The following TRAPPC8 variants were observed in gnomAD, a reference collection of about 807,000 sequenced individuals.
The protein encoded by TRAPPC8 is general sporulation gene 1 homolog.
In TRAPPC8, 54 loss-of-function variants were observed where a neutral mutation model predicts 174.3. The ratio of observed to expected loss-of-function variants is 0.31; its 90% CI spans 0.25 to 0.39. The LOEUF is 0.39. Ranked by LOEUF, TRAPPC8 falls within the 10% of genes least tolerant of loss-of-function variation. The pLI is 1.00. For missense variants in TRAPPC8, 1,531 were observed against 1,699.1 expected (o/e 0.90, Z 1.74); for synonymous variants, 630 against 579.9 (o/e 1.09, Z -1.24).
chr18:31,860,582 T>C (rs1435098984), intron 19 of TRAPPC8, among the ~76,000 whole-genome samples: 1 of 152,236 alleles, frequency 6.6e-6, no homozygotes, highest in Non-Finnish European at 1.5e-5. Flanking sequence ...ACTTCTACTA[T>C]TCCCTTAAAC....
chr18:31,908,458 T>G, intron 7 of TRAPPC8, 40 bp from the exon 8 acceptor site: 1 of 1,353,918 alleles, frequency 7.4e-7, no homozygotes. Context: ...AACAAAGAAT[T>G]TAGTATTTTT....
chr18:31,829,995 A>G lies in TRAPPC8; in HGVS notation c.*760T>C, dbSNP rs2032261577. 1 of 152,666 alleles carries G rather than the reference A, an allele frequency of 6.6e-6. No individual in the cohort carries two copies. The highest frequency in any genetic ancestry group is 6.5e-5 in the Admixed American group (1 of 15,282). The allele number at this position is 152,666 out of a possible 1,614,324, so 9.5% of individuals were successfully genotyped here. ...ACAGTATATTTGTTATAAATATAAT[A>G]CATTTTTGAAAAGCTTATTTTTAAT... is the stretch of plus-strand genomic sequence containing the variant. On this transcript the variant is annotated 3_prime_UTR_variant, in exon 29 of 29. Transcript: ENST00000283351.
intron 9 of TRAPPC8, among the ~76,000 whole-genome samples, chr18:31,902,605 A>AACACAGTTTTGTG (rs2036480129): frequency 6.6e-6 from 1 of 152,170 alleles, no homozygotes; most frequent in Admixed American, 6.5e-5. Flanking sequence ...TGGTTGTGGT[A>AACACAGTTTTGTG]TCATCTGTTA....
chr18:31,909,060 A>T (rs1291669057), intron 6 of TRAPPC8, 50 bp from the exon 7 acceptor site: 1 of 1,537,260 alleles, frequency 6.5e-7, no homozygotes. Context: ...AACAGAAAAC[A>T]GTGCTAATAC....
At position 31,870,879 on chromosome 18, in the gene TRAPPC8, G is replaced by T. The variant is rs781476362; in HGVS notation, c.2257+47C>A. ...AACAATAAATTATCTTCATCATGCT[G>T]TAAGTAAAACAAATAAAAAACAGAA... On this transcript the variant is annotated intron_variant, in intron 15 of 28. Transcript: ENST00000283351. The T allele has an allele frequency of 3.6e-6, 5 of 1,398,940 alleles. No individual in the cohort carries two copies. In the Admixed American group the frequency reaches 7.1e-5, roughly 20 times the overall value. The allele number at this position is 1,398,940 out of a possible 1,614,324, so 86.7% of individuals were successfully genotyped here. A position where few individuals can be genotyped will look rare whatever the true frequency, so the allele number is the denominator to read the frequency against.
At chr18:31,940,962 T>C (rs1348951585) in intron 1 of TRAPPC8, among the ~76,000 whole-genome samples, 2 of 112,004 alleles carry the variant, frequency 1.8e-5, no homozygotes, top group East Asian at 2.1e-4. Context: ...CGCAAAACTG[T>C]GAACAAATTA....
intron 2 of TRAPPC8, among the ~76,000 whole-genome samples, chr18:31,928,336 T>TACACACACAC (rs34570497): frequency 6.0e-4 from 86 of 142,956 alleles, no homozygotes; most frequent in East Asian, 1.7e-3. Context: ...ACCTTATCTC[T>TACACACACAC]ACACACACAC....
At chr18:31,831,416 G>GTTTA (rs1301818608) in intron 28 of TRAPPC8, among the ~76,000 whole-genome samples, 1 of 152,074 alleles carries the variant, frequency 6.6e-6, no homozygotes, top group Non-Finnish European at 1.5e-5. Context: ...GAAGCCAACT[G>GTTTA]TTTATTAATA....
At position 31,830,944 on chromosome 18, in the gene TRAPPC8, T is replaced by G. The variant is rs566609587; in HGVS notation, c.4119A>C (p.Gln1373His). 3 of 1,614,176 alleles carry G rather than the reference T, an allele frequency of 1.9e-6. No individual in the cohort carries two copies. The highest frequency in any genetic ancestry group is 1.3e-5 in the African/African-American group (1 of 75,068). Reference protein sequence around the residue: ...EIHGSFTWLGQTQYKLQLKSQ... With the variant: ...EIHGSFTWLGHTQYKLQLKSQ... ...TTTTAAGTTGAAGTTTATACTGTGT[T>G]TGTCCAAGCCATGTGAATGATCCAT... is the stretch of plus-strand genomic sequence containing the variant. The change falls in exon 29 of 29, where the codon CAA becomes CAC. Residue 1373 changes from glutamine (Q) to histidine (H), a missense_variant. Transcript: ENST00000283351.
At chr18:31,852,420 A>ATGATT in intron 24 of TRAPPC8, 26 bp downstream of exon 24, 1 of 1,612,588 alleles carries the variant, frequency 6.2e-7, no homozygotes, top group Non-Finnish European at 8.5e-7. Context: ...ACTTAACATC[A>ATGATT]AACACTACTA....
chr18:31,857,910 CATTG>C lies in TRAPPC8; in HGVS notation c.2814_2817del (p.Asn939SerfsTer9). On this transcript the variant is annotated frameshift_variant, in exon 20 of 29. Coordinates refer to ENST00000283351, the MANE Select transcript of TRAPPC8 (RefSeq NM_014939.5). LOFTEE classifies it high-confidence loss of function. ...AATCCAGTAAGTGGACATTTGCTGACATTGACAAATTCTACATATGCTTTTCGGA... is the reference window on the plus strand; with the variant it reads ...AATCCAGTAAGTGGACATTTGCTGACACAAATTCTACATATGCTTTTCGGA... The C allele has an allele frequency of 6.2e-7, 1 of 1,614,140 alleles. No homozygotes were observed. The highest frequency in any genetic ancestry group is 8.5e-7 in the Non-Finnish European group (1 of 1,180,004).
chr18:31,873,509 A>G lies in TRAPPC8; in HGVS notation c.1983T>C (p.Pro661=). 1 of 1,613,758 alleles carries G rather than the reference A, an allele frequency of 6.2e-7. No individual in the cohort carries two copies. The change falls in exon 14 of 29, where the codon CCT becomes CCC. Residue 661 remains proline, a synonymous_variant. Transcript: ENST00000283351. The part of the protein sequence containing the change: ...KNVSQLSPDG[P]LPQLPLPYIN... ...TATACGGTAAAGGAAGCTGTGGCAA[A>G]GGACCATCTGGTGACAGCTGACTTA...
intron 1 of TRAPPC8, among the ~76,000 whole-genome samples, chr18:31,941,298 C>A (rs2038330622): frequency 6.6e-6 from 1 of 152,116 alleles, no homozygotes; most frequent in Non-Finnish European, 1.5e-5. Context: ...CAAAAATTAT[C>A]CGAGTATGGT....
rs534661357 is a variant in TRAPPC8 at position 31,838,166 on chromosome 18, A to G, written c.3983+1146T>C. ...TACTTTTTAAAATATTTTTTCTCTT[A>G]AAGTCACTGTCAAGGTCTTAATTTT... On this transcript the variant is annotated intron_variant, in intron 27 of 28. Transcript: ENST00000283351. Among the ~76,000 whole-genome samples, 4 of 152,202 alleles carry G rather than the reference A, an allele frequency of 2.6e-5. No individual in the cohort carries two copies. In the South Asian group the frequency reaches 8.3e-4, roughly 32 times the overall value.
chr18:31,917,843 G>A (rs892648207), intron 2 of TRAPPC8, among the ~76,000 whole-genome samples, 176 bp from the exon 3 acceptor site: 8 of 152,154 alleles, frequency 5.3e-5, no homozygotes, highest in African/African-American at 1.7e-4. Context: ...TGTGTATAGG[G>A]CCTGGCACGG....
Position 31,849,525 on chromosome 18 carries a change from T to C in TRAPPC8, c.3735+41A>G, listed in dbSNP as rs201566779. 52 of 1,517,376 alleles carry C rather than the reference T, an allele frequency of 3.4e-5. No homozygotes were observed. The East Asian group carries it at 1.2e-3, about 35-fold the overall frequency. 94.0% of individuals were successfully genotyped at this position (1,517,376 alleles called of 1,614,324 possible). A position where few individuals can be genotyped will look rare whatever the true frequency, so the allele number is the denominator to read the frequency against. On this transcript the variant is annotated intron_variant, in intron 25 of 28. Coordinates refer to ENST00000283351, the MANE Select transcript of TRAPPC8 (RefSeq NM_014939.5). ...TTGTGCTTAGCTTAAGACTCGAGTA[T>C]CTATAAGTGAGGCTTGCTGAAATAA...
At chr18:31,876,489 CAAA>C (rs71175801) in intron 12 of TRAPPC8, among the ~76,000 whole-genome samples, 496 of 48,694 alleles carry the variant, frequency 0.01, 12 homozygotes, top group African/African-American at 0.036. Flanking sequence ...GACTCCATCT[CAAA>C]AAAAAAAAAA....
chr18:31,892,615 A>C (rs2036001807), intron 11 of TRAPPC8, among the ~76,000 whole-genome samples: 1 of 152,216 alleles, frequency 6.6e-6, no homozygotes, highest in Admixed American at 6.5e-5. Context: ...TTCAGATTCT[A>C]ATCAATATAG....
intron 25 of TRAPPC8, 37 bp downstream of exon 25, chr18:31,849,529 T>C (rs768510661): frequency 2.6e-6 from 4 of 1,535,566 alleles, no homozygotes; most frequent in Non-Finnish European, 3.5e-6. Flanking sequence ...CGAGTATCTA[T>C]AAGTGAGGCT....
Sources: allele counts gnomAD v4.1 joint callset (sites outside exome capture counted in the v4.1 genomes callset), GRCh38; gene constraint gnomAD v4.1.1; transcripts MANE v1.5; gene names NCBI Gene and HGNC (gene_info 2026-07-23, HGNC 2026-07-21).